Variants in ASTN2 observed in about 807,000 individuals in gnomAD.
ASTN2 encodes the protein astrotactin 2.
In ASTN2, 54 loss-of-function variants were observed where a neutral mutation model predicts 139.8. That is an observed-to-expected ratio of 0.39 (90% confidence interval 0.31 to 0.48). ASTN2 has a LOEUF of 0.48. Ranked by LOEUF, ASTN2 falls within the 20% of genes least tolerant of loss-of-function variation. ASTN2 has a pLI of 0.95. For missense variants in ASTN2, 1,565 were observed against 1,725.1 expected (o/e 0.91, Z 1.64); for synonymous variants, 756 against 719.5 (o/e 1.05, Z -0.81).
At chr9:116,802,225 A>T (rs942534528) in intron 13 of ASTN2, among the ~76,000 whole-genome samples, 9 of 151,640 alleles carry the variant, frequency 5.9e-5, no homozygotes, top group Admixed American at 3.9e-4. Context: ...TAGCTGGGAC[A>T]ACAGGCAGCC....
At chr9:117,073,369 C>A (rs762155170) in intron 5 of ASTN2, among the ~76,000 whole-genome samples, 3 of 152,098 alleles carry the variant, frequency 2.0e-5, no homozygotes, top group Non-Finnish European at 2.9e-5. Context: ...TCCACCTAAT[C>A]CTTTGCAATA....
intron 3 of ASTN2, among the ~76,000 whole-genome samples, chr9:117,179,249 A>T (rs1830995466): frequency 6.6e-6 from 1 of 152,210 alleles, no homozygotes; most frequent in Non-Finnish European, 1.5e-5. Flanking sequence ...TGTACACAGC[A>T]TATGTATGTA....
At chr9:117,142,867 G>C (rs1284272942) in intron 3 of ASTN2, among the ~76,000 whole-genome samples, 1 of 152,164 alleles carries the variant, frequency 6.6e-6, no homozygotes, top group Non-Finnish European at 1.5e-5. Flanking sequence ...CCCTCCATCT[G>C]TGTCTCCAGA....
chr9:117,062,389 G>A (rs1839320003), intron 5 of ASTN2, among the ~76,000 whole-genome samples: 1 of 152,160 alleles, frequency 6.6e-6, no homozygotes, highest in Admixed American at 6.5e-5. Flanking sequence ...TTGAGCAAGT[G>A]CAACTTTCTG....
At chr9:116,451,537 T>C (rs1357596517) in intron 20 of ASTN2, among the ~76,000 whole-genome samples, 2 of 152,162 alleles carry the variant, frequency 1.3e-5, no homozygotes, top group Non-Finnish European at 2.9e-5. Context: ...TGGGACACAG[T>C]ACTATAAGGT....
At chr9:116,737,936 T>C (rs1380294999) in intron 13 of ASTN2, among the ~76,000 whole-genome samples, 1 of 152,048 alleles carries the variant, frequency 6.6e-6, no homozygotes, top group African/African-American at 2.4e-5. Context: ...CTCACGCCTG[T>C]AATCCCAGCA....
intron 3 of ASTN2, among the ~76,000 whole-genome samples, chr9:117,165,568 T>G (rs1830652738): frequency 6.6e-6 from 1 of 152,094 alleles, no homozygotes; most frequent in Non-Finnish European, 1.5e-5. Context: ...AGTTAACTCA[T>G]GATAATGGAT....
chr9:116,872,212 C>T (rs117274078), intron 10 of ASTN2, among the ~76,000 whole-genome samples: 1 of 152,234 alleles, frequency 6.6e-6, no homozygotes, highest in African/African-American at 2.4e-5. Flanking sequence ...AATCCAGAGA[C>T]CTTGGGCAAG....
chr9:116,630,707 G>T (rs976732129), intron 17 of ASTN2, among the ~76,000 whole-genome samples: 1 of 152,068 alleles, frequency 6.6e-6, no homozygotes, highest in Non-Finnish European at 1.5e-5. Flanking sequence ...AGACAAATAG[G>T]ATTACATCAA....
chr9:116,933,308 T>C (rs1834962066), intron 10 of ASTN2, among the ~76,000 whole-genome samples: 1 of 152,136 alleles, frequency 6.6e-6, no homozygotes, highest in South Asian at 2.1e-4. Context: ...TGCTGTAAAA[T>C]TGGTTGAGAC....
At chr9:117,265,103 T>C (rs1010676492) in intron 2 of ASTN2, among the ~76,000 whole-genome samples, 2 of 152,174 alleles carry the variant, frequency 1.3e-5, no homozygotes, top group Admixed American at 1.3e-4. Flanking sequence ...GAAGTCTATT[T>C]AAGTTTGTCT....
At chr9:117,254,951 C>G (rs1833644203) in intron 2 of ASTN2, among the ~76,000 whole-genome samples, 1 of 152,180 alleles carries the variant, frequency 6.6e-6, no homozygotes, top group Admixed American at 6.5e-5. Flanking sequence ...TTCAACCCAT[C>G]TTTCAAAAAG....
chr9:116,834,206 C>G (rs1831914158), intron 11 of ASTN2, among the ~76,000 whole-genome samples: 1 of 152,076 alleles, frequency 6.6e-6, no homozygotes. Flanking sequence ...TTTTTATGGT[C>G]CAGGATATAG....
At chr9:117,173,707 A>G (rs1024801029) in intron 3 of ASTN2, among the ~76,000 whole-genome samples, 3 of 152,084 alleles carry the variant, frequency 2.0e-5, no homozygotes, top group African/African-American at 7.2e-5. Flanking sequence ...CTAGAGATAA[A>G]GAAACACTTC....
chr9:116,710,733 CAAAAAAAAAAA>C (rs57745448), intron 16 of ASTN2, among the ~76,000 whole-genome samples: 3 of 72,582 alleles, frequency 4.1e-5, no homozygotes, highest in East Asian at 4.3e-4. Flanking sequence ...AACTCCGTCT[CAAAAAAAAAAA>C]AAAAAAAAAA....
rs904786054 is a variant in ASTN2, at chr9:117,003,949, C to T, written c.1591+4143G>A. ...AATTTGTGTTTCTTTCACGCGCGCGCGCGCGTGTGTGTGTGTGTGTGTGTG... is the reference window on the plus strand; with the variant it reads ...AATTTGTGTTTCTTTCACGCGCGCGTGCGCGTGTGTGTGTGTGTGTGTGTG... On this transcript the variant is annotated intron_variant, in intron 7 of 22. Transcript: ENST00000313400. Among the ~76,000 whole-genome samples the T allele has an allele frequency of 2.2e-4, 28 of 128,736 alleles. 1 individual carries two copies. The highest frequency in any genetic ancestry group is 6.8e-4 in the African/African-American group (19 of 28,086). The allele number at this position is 128,736 out of a possible 152,430, so 84.5% of individuals were successfully genotyped here.
chr9:116,941,762 A>C (rs1464076153), intron 10 of ASTN2, among the ~76,000 whole-genome samples: 3 of 152,148 alleles, frequency 2.0e-5, no homozygotes, highest in Non-Finnish European at 4.4e-5. Context: ...AACAAACTAC[A>C]GACTTTCTTT....
At chr9:116,854,494 C>T (rs1240275363) in intron 11 of ASTN2, among the ~76,000 whole-genome samples, 2 of 152,156 alleles carry the variant, frequency 1.3e-5, no homozygotes, top group African/African-American at 4.8e-5. Context: ...ATGCTAAAAA[C>T]TGTGTACTTA....
chr9:116,836,672 A>C (rs918849577), intron 11 of ASTN2, among the ~76,000 whole-genome samples: 2 of 152,126 alleles, frequency 1.3e-5, no homozygotes, highest in African/African-American at 4.8e-5. Context: ...AGAATAGGAC[A>C]CATGAGGCAA....
Sources: gnomAD v4.1 joint callset for allele counts (sites outside exome capture counted in the v4.1 genomes callset) on GRCh38, gnomAD v4.1.1 for gene constraint, MANE v1.5 for transcripts, NCBI Gene and HGNC (gene_info 2026-07-23, HGNC 2026-07-21) for gene names.